The following ATE1 variants were observed in gnomAD, a reference collection of about 807,000 sequenced individuals.
The protein encoded by ATE1 is arginyltransferase 1.
ATE1 carries 36 observed loss-of-function variants against 70.5 expected under a neutral mutation model. The observed-to-expected ratio is 0.51, with a 90% CI of 0.39 to 0.67. The LOEUF is 0.67. ATE1 is among the 30% of genes least tolerant of loss of function. The pLI is 0.00. For missense variants in ATE1, 593 were observed against 629.5 expected (o/e 0.94, Z 0.62); for synonymous variants, 232 against 219.3 (o/e 1.06, Z -0.51).
intron 10 of ATE1, among the ~76,000 whole-genome samples, chr10:121,816,349 T>G (rs546311495): frequency 7.2e-5 from 11 of 152,312 alleles, no homozygotes; most frequent in African/African-American, 2.6e-4. Context: ...AATATTCATG[T>G]TGAAACTTAA....
chr10:121,922,462 C>T (rs1297373253), intron 2 of ATE1, 51 bp from the exon 3 acceptor site: 5 of 1,100,524 alleles, frequency 4.5e-6, no homozygotes, highest in Non-Finnish European at 6.8e-6. Flanking sequence ...TTCACTTGCA[C>T]CAAAACAGCC....
At chr10:121,922,468 C>G in intron 2 of ATE1, 57 bp from the exon 3 acceptor site, 1 of 1,004,618 alleles carries the variant, frequency 1.0e-6, no homozygotes, top group Non-Finnish European at 1.5e-6. Context: ...TGCACCAAAA[C>G]AGCCTAGCAC....
intron 10 of ATE1, among the ~76,000 whole-genome samples, chr10:121,834,643 T>A (rs1468563156): frequency 6.6e-6 from 1 of 151,626 alleles, no homozygotes; most frequent in Non-Finnish European, 1.5e-5. Flanking sequence ...AACAAAGGTG[T>A]CAGCAAAACA....
chr10:121,761,541 T>C (rs1945039269), intron 11 of ATE1, among the ~76,000 whole-genome samples: 1 of 152,236 alleles, frequency 6.6e-6, no homozygotes, highest in East Asian at 1.9e-4. Context: ...TTATATGCAC[T>C]GGGAAATCAA....
intron 8 of ATE1, among the ~76,000 whole-genome samples, chr10:121,851,203 T>C (rs1401143446): frequency 6.6e-6 from 1 of 150,904 alleles, no homozygotes; most frequent in Non-Finnish European, 1.5e-5. Context: ...GCAGATCGCT[T>C]GAGTCCAGGA....
In ATE1 at chr10:121,927,980, G is replaced by T. The variant is rs747490754; in HGVS notation, c.-31C>A. 1 of 1,465,758 alleles carries T rather than the reference G, an allele frequency of 6.8e-7. No homozygotes were observed. The highest frequency in any genetic ancestry group is 9.0e-7 in the Non-Finnish European group (1 of 1,106,478). The allele number at this position is 1,465,758 out of a possible 1,614,324, so 90.8% of individuals were successfully genotyped here. A position where few individuals can be genotyped will look rare whatever the true frequency, so the allele number is the denominator to read the frequency against. On this transcript the variant is annotated 5_prime_UTR_variant, in exon 1 of 12. Coordinates refer to ENST00000224652, the MANE Select transcript of ATE1 (RefSeq NM_001001976.3). ...CGGCCCCGCGAACGCTCAGCCGCCC[G>T]GCCCCGCGTCGCTAGCGCGGCCGCC...
At chr10:121,892,012 C>A (rs1950595864) in intron 7 of ATE1, among the ~76,000 whole-genome samples, 1 of 152,124 alleles carries the variant, frequency 6.6e-6, no homozygotes, top group African/African-American at 2.4e-5. Context: ...GAACACTGGC[C>A]ATTTCCTGAC....
Position 121,910,986 on chromosome 10 carries a change from T to G in ATE1, c.503A>C (p.Gln168Pro), listed in dbSNP as rs749808095. The G allele has an allele frequency of 6.2e-7, 1 of 1,614,100 alleles. No homozygotes were observed. Among genetic ancestry groups the G allele is most frequent in the East Asian group, 2.2e-5 (1 of 44,872 alleles). Residue 168 changes from glutamine (Q) to proline (P), a missense_variant, in exon 5 of 12, where the codon CAG (glutamine) becomes CCG (proline). Coordinates refer to ENST00000224652, the MANE Select transcript of ATE1 (RefSeq NM_001001976.3). Reference sequence around the variant, plus strand: ...CTTCTCTCCTACGAAATCTTGTGACTGAAGTAATTCCTGAGGTTCTTCTTT... The same window carrying G: ...CTTCTCTCCTACGAAATCTTGTGACGGAAGTAATTCCTGAGGTTCTTCTTT... ...SKKEEPQELL[Q>P]SQDFVGEKLG...
At chr10:121,791,096 ATTTTTTT>A (rs10584053) in intron 10 of ATE1, among the ~76,000 whole-genome samples, 108 of 94,420 alleles carry the variant, frequency 1.1e-3, no homozygotes, top group African/African-American at 4.8e-3. Flanking sequence ...GTGTATATAT[ATTTTTTT>A]TTTTTTTTGA....
At chr10:121,875,351 C>CACAACCTGTGCAA (rs1950017253) in intron 7 of ATE1, among the ~76,000 whole-genome samples, 1 of 125,518 alleles carries the variant, frequency 8.0e-6, no homozygotes, top group African/African-American at 3.1e-5. Context: ...GTCCCCCAGG[C>CACAACCTGTGCAA]TGGAGTGCAA....
At chr10:121,827,051 G>A (rs1226038463) in intron 10 of ATE1, among the ~76,000 whole-genome samples, 2 of 147,702 alleles carry the variant, frequency 1.4e-5, no homozygotes, top group Non-Finnish European at 3.0e-5. Context: ...GTCTCTCTCT[G>A]TCGCCAGGCT....
intron 10 of ATE1, among the ~76,000 whole-genome samples, chr10:121,832,889 T>C (rs1948298744): frequency 1.3e-5 from 2 of 152,176 alleles, no homozygotes; most frequent in Non-Finnish European, 2.9e-5. Flanking sequence ...TCTAAACTAA[T>C]CTAAGAAGTC....
intron 11 of ATE1, among the ~76,000 whole-genome samples, chr10:121,770,135 C>T (rs1205678159): frequency 4.0e-5 from 6 of 151,440 alleles, no homozygotes; most frequent in Non-Finnish European, 5.9e-5. Flanking sequence ...AATGGCTAAA[C>T]GAAGTATAAC....
chr10:121,795,340 G>C (rs1237345225), intron 10 of ATE1, among the ~76,000 whole-genome samples: 1 of 152,070 alleles, frequency 6.6e-6, no homozygotes, highest in Non-Finnish European at 1.5e-5. Flanking sequence ...CTAAAGGCTG[G>C]AACAAAAAGA....
intron 10 of ATE1, among the ~76,000 whole-genome samples, 182 bp downstream of exon 10, chr10:121,836,536 C>T (rs1018428772): frequency 4.6e-5 from 7 of 152,198 alleles, no homozygotes; most frequent in Non-Finnish European, 8.8e-5. Flanking sequence ...CAATGGATTA[C>T]AAGAGCAGAA....
intron 10 of ATE1, among the ~76,000 whole-genome samples, chr10:121,834,701 C>T (rs912532508): frequency 6.0e-5 from 9 of 151,066 alleles, no homozygotes; most frequent in East Asian, 1.9e-4. Context: ...AACATTTCCA[C>T]GAATGGAAAA....
intron 7 of ATE1, among the ~76,000 whole-genome samples, chr10:121,884,105 CAAAAAAAAA>C (rs56040116): frequency 1.4e-4 from 6 of 43,416 alleles, no homozygotes; most frequent in African/African-American, 5.7e-4. Flanking sequence ...GACCCAGACT[CAAAAAAAAA>C]AAAAAAAAAA....
intron 11 of ATE1, among the ~76,000 whole-genome samples, chr10:121,773,656 T>A (rs1436947535): frequency 6.6e-6 from 1 of 152,180 alleles, no homozygotes; most frequent in Non-Finnish European, 1.5e-5. Flanking sequence ...GAACCTATTA[T>A]ATAACAGTAA....
intron 11 of ATE1, among the ~76,000 whole-genome samples, chr10:121,746,445 T>C (rs1396816377): frequency 6.6e-6 from 1 of 152,222 alleles, no homozygotes; most frequent in Non-Finnish European, 1.5e-5. Context: ...ACTTTTGTAA[T>C]CTAAAAAATA....
Sources: gnomAD v4.1 joint callset for allele counts (sites outside exome capture counted in the v4.1 genomes callset) on GRCh38, gnomAD v4.1.1 for gene constraint, MANE v1.5 for transcripts, NCBI Gene and HGNC (gene_info 2026-07-23, HGNC 2026-07-21) for gene names.